Variants in SGK1 observed in about 807,000 individuals in gnomAD.
The protein encoded by SGK1 is serine/threonine-protein kinase Sgk1.
SGK1 carries 26 observed loss-of-function variants against 64.2 expected under a neutral mutation model. The observed-to-expected ratio is 0.40, with a 90% CI of 0.30 to 0.56. The LOEUF is 0.56. Ranked by LOEUF, SGK1 falls within the 20% of genes least tolerant of loss-of-function variation. The pLI, the probability that SGK1 is intolerant of heterozygous loss-of-function variation, is 0.38. For missense variants in SGK1, 519 were observed against 645.6 expected, an observed-to-expected ratio of 0.80 and a Z score of 2.12; for synonymous variants, 265 against 239.7, an observed-to-expected ratio of 1.11 and a Z score of -0.98.
chr6:134,235,604 TC>T (rs1776351077), intron 2 of SGK1, among the ~76,000 whole-genome samples: 2 of 151,544 alleles, frequency 1.3e-5, no homozygotes, highest in Non-Finnish European at 2.9e-5. Flanking sequence ...ACAGTTTCCC[TC>T]CTGTTGCCCA....
chr6:134,229,632 GAAGAA>G (rs1776246059), intron 2 of SGK1, among the ~76,000 whole-genome samples: 1 of 152,188 alleles, frequency 6.6e-6, no homozygotes, highest in Non-Finnish European at 1.5e-5. Context: ...AGTGGCCAGG[GAAGAA>G]AAGATCTGCC....
chr6:134,200,130 C>A (rs1001538633), intron 3 of SGK1, among the ~76,000 whole-genome samples: 4 of 152,154 alleles, frequency 2.6e-5, no homozygotes, highest in Non-Finnish European at 5.9e-5. Context: ...ACAAACAACT[C>A]AGGTTTCAAA....
chr6:134,206,883 AC>A (rs1309791048), intron 3 of SGK1, among the ~76,000 whole-genome samples: 14 of 103,954 alleles, frequency 1.3e-4, no homozygotes, highest in East Asian at 1.2e-3. Flanking sequence ...AAAAAAAAAA[AC>A]AAAAAAAAAA....
At chr6:134,229,681 G>T (rs1776246674) in intron 2 of SGK1, among the ~76,000 whole-genome samples, 1 of 152,172 alleles carries the variant, frequency 6.6e-6, no homozygotes, top group South Asian at 2.1e-4. Context: ...AGCAGTTTCA[G>T]GTGGGTTCTT....
chr6:134,214,610 AAGTTT>A (rs10580444), intron 2 of SGK1, among the ~76,000 whole-genome samples: 92,875 of 151,242 alleles, frequency 0.61, 31,068 homozygotes, highest in South Asian at 0.84. Context: ...AAAGTAATTA[AAGTTT>A]AGTTATTTAA....
At chr6:134,198,479 GA>G (rs1321728536) in intron 3 of SGK1, among the ~76,000 whole-genome samples, 1 of 151,990 alleles carries the variant, frequency 6.6e-6, no homozygotes, top group Non-Finnish European at 1.5e-5. Flanking sequence ...CTTTTCAAGA[GA>G]AAAAATCTAG....
At chr6:134,292,063 A>C (rs1328320886) in intron 1 of SGK1, among the ~76,000 whole-genome samples, 2 of 49,120 alleles carry the variant, frequency 4.1e-5, no homozygotes, top group Admixed American at 4.9e-4. Flanking sequence ...ACTCTCTCTC[A>C]AAAAAAAAAA....
intron 3 of SGK1, among the ~76,000 whole-genome samples, chr6:134,180,718 C>G (rs1273521062): frequency 6.6e-6 from 1 of 151,810 alleles, no homozygotes; most frequent in African/African-American, 2.4e-5. Flanking sequence ...ACAAAAAATA[C>G]AAAAATTATC....
Position 134,284,491 on chromosome 6 carries a change from C to CTT in SGK1, c.70-22345_70-22344dup, listed in dbSNP as rs34917996. ...TGGCTTTTTCTTTCTTTCTTTCTTT[C>CTT]TTTTTTTTTTTTGAGATAGAGTCTC... On this transcript the variant is annotated intron_variant, in intron 1 of 13. Coordinates refer to ENST00000367858, the MANE Select transcript of SGK1 (RefSeq NM_001143676.3). Among the ~76,000 whole-genome samples the CTT allele has an allele frequency of 7.6e-3, 1,093 of 143,102 alleles. 21 individuals are homozygous for CTT. Among genetic ancestry groups the CTT allele is most frequent in the African/African-American group, 0.024 (937 of 39,186 alleles). 93.9% of individuals were successfully genotyped at this position (143,102 alleles called of 152,430 possible). A position where few individuals can be genotyped will look rare whatever the true frequency, so the allele number is the denominator to read the frequency against.
intron 1 of SGK1, among the ~76,000 whole-genome samples, chr6:134,264,658 GTTGTTAAAGGGTC>G (rs1291068464): frequency 2.0e-5 from 3 of 151,778 alleles, no homozygotes; most frequent in Non-Finnish European, 4.4e-5. Flanking sequence ...TGTTGTTGTT[GTTGTTAAAGGGTC>G]TTGTTTTGTT....
rs2114705888 is a variant in SGK1, at chr6:134,224,839, G to C, written c.286-17408C>G. ...AGATCGAGACTATCCTGGCTAACAT[G>C]GTGAAACCCCATCTCTATAAAAACA... On this transcript the variant is annotated intron_variant, in intron 2 of 13. Transcript: ENST00000367858. Among the ~76,000 whole-genome samples the C allele has an allele frequency of 2.0e-5, 3 of 150,554 alleles. 1 individual carries two copies. In the East Asian group the frequency reaches 5.9e-4, roughly 30 times the overall value.
In SGK1 at chr6:134,172,285, A is replaced by T. The variant is rs746720665; in HGVS notation, c.979T>A (p.Ser327Thr). ...DLKPENILLD[S>T]QGHIVLTDFG... The stretch of plus-strand genomic sequence containing the variant: ...TCAGTAAGGACAATGTGTCCCTGTG[A>T]ATCTAGCAAAATATTCTCTGGTTTT... Residue 327 changes from serine to threonine, a missense_variant, in exon 10 of 14, where the codon TCA (serine) becomes ACA (threonine). Transcript: ENST00000367858. 1.9e-6 allele frequency: 3 copies of T among 1,613,284 alleles called. No individual in the cohort carries two copies. The highest frequency in any genetic ancestry group is 2.5e-6 in the Non-Finnish European group (3 of 1,179,580).
chr6:134,281,049 C>A (rs759395815), intron 1 of SGK1, among the ~76,000 whole-genome samples: 8 of 152,096 alleles, frequency 5.3e-5, no homozygotes, highest in African/African-American at 1.9e-4. Context: ...GCCTGGGTGA[C>A]GAGCGAAACT....
Position 134,170,430 on chromosome 6 carries a change from C to T in SGK1, c.1419G>A (p.Gly473=). The T allele has an allele frequency of 6.2e-7, 1 of 1,610,816 alleles. No individual in the cohort carries two copies. The change falls in exon 14 of 14, where the codon GGG becomes GGA. Residue 473 remains glycine (G), a synonymous_variant. Transcript: ENST00000367858. The part of the protein sequence containing the change: ...ITPPFNPNVS[G]PNDLRHFDPE... Reference sequence around the variant, plus strand: ...GGTCAAAGTGCCGTAGGTCGTTGGGCCCACTCTGTGACGGGAAGGGAAAAA... The same window carrying T: ...GGTCAAAGTGCCGTAGGTCGTTGGGTCCACTCTGTGACGGGAAGGGAAAAA...
chr6:134,173,631 A>G (rs1334791090), intron 5 of SGK1, 65 bp from the exon 6 acceptor site: 2 of 1,103,734 alleles, frequency 1.8e-6, no homozygotes, highest in Non-Finnish European at 2.6e-6. Context: ...CTATAACATA[A>G]ACGATGTAGA....
intron 1 of SGK1, among the ~76,000 whole-genome samples, chr6:134,305,363 CAAAAAA>C (rs34637536): frequency 6.1e-5 from 4 of 65,644 alleles, no homozygotes; most frequent in South Asian, 6.5e-4. Flanking sequence ...TACTTCATCT[CAAAAAA>C]AAAAAAAAAA....
chr6:134,204,313 A>T (rs1775733501), intron 3 of SGK1, among the ~76,000 whole-genome samples: 1 of 151,554 alleles, frequency 6.6e-6, no homozygotes, highest in Non-Finnish European at 1.5e-5. Flanking sequence ...TAAGTTGGTG[A>T]CTGGGAAGGA....
chr6:134,286,205 T>C (rs1777180800), intron 1 of SGK1, among the ~76,000 whole-genome samples: 1 of 152,198 alleles, frequency 6.6e-6, no homozygotes, highest in South Asian at 2.1e-4. Context: ...TAAAGTAGAA[T>C]TATATTAAGG....
intron 3 of SGK1, among the ~76,000 whole-genome samples, chr6:134,204,221 AAAATAAAT>A (rs146311627): frequency 0.042 from 5,808 of 139,068 alleles, 344 homozygotes; most frequent in African/African-American, 0.13. Context: ...AACTAGGCAA[AAAATAAAT>A]AAATAAATAA....
Sources: allele counts gnomAD v4.1 joint callset (sites outside exome capture counted in the v4.1 genomes callset), GRCh38; gene constraint gnomAD v4.1.1; transcripts MANE v1.5; gene names NCBI Gene and HGNC (gene_info 2026-07-23, HGNC 2026-07-21).